CCDC7: variants seen among roughly 807,000 people sequenced by gnomAD.
CCDC7 encodes the protein coiled-coil domain containing 7, also known as coiled-coil domain-containing protein 7.
Under a neutral mutation model 196.9 loss-of-function variants are expected in CCDC7, and 183 were observed. The ratio of observed to expected loss-of-function variants is 0.93; its 90% CI spans 0.82 to 1.05. The LOEUF (loss-of-function observed/expected upper bound fraction) is 1.05. CCDC7 is among the 50% of genes least tolerant of loss of function. CCDC7 has a pLI of 0.00. For missense variants in CCDC7, 1,540 were observed against 1,482.2 expected (o/e 1.04, Z -0.64); for synonymous variants, 525 against 484.6 (o/e 1.08, Z -1.10).
intron 24 of CCDC7, among the ~76,000 whole-genome samples, chr10:32,708,548 G>A (rs781261948): frequency 6.6e-6 from 1 of 152,136 alleles, no homozygotes; most frequent in Non-Finnish European, 1.5e-5. Flanking sequence ...TACAGAATGG[G>A]AGAAAATTTT....
intron 24 of CCDC7, among the ~76,000 whole-genome samples, chr10:32,701,651 C>G (rs1165988468): frequency 6.6e-6 from 1 of 152,086 alleles, no homozygotes; most frequent in African/African-American, 2.4e-5. Flanking sequence ...TGGTCCTGGA[C>G]TTTTTTAGGT....
At chr10:32,611,175 G>T (rs897310467) in intron 18 of CCDC7, among the ~76,000 whole-genome samples, 1 of 152,206 alleles carries the variant, frequency 6.6e-6, no homozygotes, top group Non-Finnish European at 1.5e-5. Context: ...AATGACCAAT[G>T]ATGATGAGCT....
At chr10:32,778,258 C>A (rs754205088) in intron 28 of CCDC7, among the ~76,000 whole-genome samples, 2 of 152,072 alleles carry the variant, frequency 1.3e-5, no homozygotes, top group Non-Finnish European at 2.9e-5. Flanking sequence ...CATTCTTTGC[C>A]AAGGCTGATA....
rs374523315 is a variant in CCDC7 at position 32,705,348 on chromosome 10, C to T, written c.2459-6272C>T. On this transcript the variant is annotated intron_variant, in intron 24 of 41. Coordinates refer to ENST00000639629, the Ensembl canonical transcript of CCDC7. Reference sequence around the variant, plus strand: ...AAACATGGAAAGGAACAACTGGTACCATCCACTGCAAAAACATGCCAAATT... The same window carrying T: ...AAACATGGAAAGGAACAACTGGTACTATCCACTGCAAAAACATGCCAAATT... Among the ~76,000 whole-genome samples, 9 of 152,220 alleles carry T rather than the reference C, an allele frequency of 5.9e-5. No individual in the cohort carries two copies. The East Asian group carries it at 1.5e-3, about 26-fold the overall frequency.
intron 41 of CCDC7, among the ~76,000 whole-genome samples, chr10:32,875,440 T>C (rs1484423474): frequency 6.6e-6 from 1 of 152,000 alleles, no homozygotes. Flanking sequence ...GATCAGATGG[T>C]TGTAGATGTG....
intron 21 of CCDC7, among the ~76,000 whole-genome samples, chr10:32,671,527 G>C (rs925411872): frequency 6.6e-6 from 1 of 152,034 alleles, no homozygotes; most frequent in African/African-American, 2.4e-5. Context: ...TTTCTAACTT[G>C]TCTGATCCTC....
At chr10:32,552,751 A>G (rs550149961) in intron 13 of CCDC7, among the ~76,000 whole-genome samples, 4 of 152,300 alleles carry the variant, frequency 2.6e-5, no homozygotes, top group Admixed American at 2.0e-4. Context: ...TCGGGCCCCA[A>G]TCCCTTCTAG....
intron 28 of CCDC7, among the ~76,000 whole-genome samples, chr10:32,755,843 A>C (rs2076349979): frequency 6.6e-6 from 1 of 152,156 alleles, no homozygotes; most frequent in Non-Finnish European, 1.5e-5. Context: ...CCATCACAAG[A>C]AGCTAAAAAC....
intron 9 of CCDC7, among the ~76,000 whole-genome samples, chr10:32,493,930 G>T (rs1014962955): frequency 5.9e-5 from 9 of 151,918 alleles, no homozygotes; most frequent in African/African-American, 2.2e-4. Context: ...TTTACATCTT[G>T]GATATTAAAC....
chr10:32,624,984 G>GTTTTTTTTT (rs35752534), intron 18 of CCDC7, among the ~76,000 whole-genome samples: 13 of 51,682 alleles, frequency 2.5e-4, no homozygotes, highest in Admixed American at 6.7e-4. Context: ...CTTTGCACAA[G>GTTTTTTTTT]TTTTTTTTTT....
chr10:32,684,631 G>T (rs1356730494), intron 21 of CCDC7, among the ~76,000 whole-genome samples: 1 of 152,198 alleles, frequency 6.6e-6, no homozygotes, highest in Non-Finnish European at 1.5e-5. Flanking sequence ...TTATAAATTT[G>T]TAAGTTTACT....
intron 24 of CCDC7, among the ~76,000 whole-genome samples, chr10:32,706,696 A>G (rs1342827883): frequency 1.3e-5 from 2 of 152,234 alleles, no homozygotes; most frequent in African/African-American, 2.4e-5. Context: ...AAACACCTCT[A>G]CACAACTAAA....
At chr10:32,507,699 C>A (rs1239743047) in intron 9 of CCDC7, among the ~76,000 whole-genome samples, 2 of 152,184 alleles carry the variant, frequency 1.3e-5, no homozygotes, top group Non-Finnish European at 2.9e-5. Context: ...GATCCACCAC[C>A]TTGACCTCCC....
chr10:32,755,694 C>T lies in CCDC7; in HGVS notation c.2906-23283C>T, dbSNP rs143431049. On this transcript the variant is annotated intron_variant, in intron 28 of 41. Transcript: ENST00000639629. ...GAAAATTCTAAAAATCAGACTGCCT[C>T]TTCTCCTCCAAAGGAATGCAGATCC... 1.2e-4 allele frequency among the ~76,000 whole-genome samples: 18 copies of T among 152,236 alleles called. No homozygotes were observed. In the East Asian group the frequency reaches 3.5e-3, roughly 30 times the overall value.
intron 28 of CCDC7, among the ~76,000 whole-genome samples, chr10:32,731,312 T>C (rs1565322392): frequency 3.9e-5 from 6 of 152,190 alleles, no homozygotes; most frequent in Admixed American, 6.5e-5. Context: ...AAAGAACTTA[T>C]AGTTGAATTG....
At chr10:32,607,123 C>T (rs1379026051) in intron 18 of CCDC7, among the ~76,000 whole-genome samples, 1 of 152,088 alleles carries the variant, frequency 6.6e-6, no homozygotes, top group Non-Finnish European at 1.5e-5. Flanking sequence ...GTGGCATCTC[C>T]CCTGACCCAT....
intron 21 of CCDC7, among the ~76,000 whole-genome samples, chr10:32,674,652 G>A (rs775146499): frequency 1.3e-5 from 2 of 151,980 alleles, no homozygotes; most frequent in Non-Finnish European, 2.9e-5. Flanking sequence ...CTGTTTGGAT[G>A]ATCTATCCAT....
intron 28 of CCDC7, among the ~76,000 whole-genome samples, chr10:32,745,891 A>C (rs2074635830): frequency 6.6e-6 from 1 of 152,192 alleles, no homozygotes; most frequent in Non-Finnish European, 1.5e-5. Flanking sequence ...TTCTTTTATC[A>C]GAGTTTTGTA....
intron 8 of CCDC7, among the ~76,000 whole-genome samples, chr10:32,477,922 G>A (rs573044242): frequency 2.0e-4 from 30 of 152,204 alleles, no homozygotes; most frequent in African/African-American, 6.7e-4. Context: ...TGGATTAAAT[G>A]GACAAGAACT....
Sources: allele counts gnomAD v4.1 joint callset (sites outside exome capture counted in the v4.1 genomes callset), GRCh38; gene constraint gnomAD v4.1.1; transcripts MANE v1.5; gene names NCBI Gene and HGNC (gene_info 2026-07-23, HGNC 2026-07-21).